The following ATF7IP2 variants were observed in gnomAD, a reference collection of about 807,000 sequenced individuals.
The protein encoded by ATF7IP2 is activating transcription factor 7-interacting protein 2.
In ATF7IP2, 42 loss-of-function variants were observed where a neutral mutation model predicts 64.2. That is an observed-to-expected ratio of 0.65 (90% CI 0.51 to 0.85). ATF7IP2 has a LOEUF of 0.85. Among genes scored for constraint, ATF7IP2 ranks in the 40% least tolerant of loss-of-function variants. The pLI, the probability that ATF7IP2 is intolerant of heterozygous loss-of-function variation, is 0.00. For missense variants in ATF7IP2, 933 were observed against 784.2 expected (o/e 1.19, Z -2.27); for synonymous variants, 308 against 272.8 (o/e 1.13, Z -1.27).
chr16:10,429,101 T>A (rs2048160015), intron 4 of ATF7IP2, 85 bp downstream of exon 4: 1 of 152,226 alleles, frequency 6.6e-6, no homozygotes, highest in Admixed American at 6.5e-5. Flanking sequence ...TAGCAGTGTC[T>A]TCAGGCAAAG....
At chr16:10,460,959 C>T (rs141026933) in intron 9 of ATF7IP2, among the ~76,000 whole-genome samples, 4 of 152,042 alleles carry the variant, frequency 2.6e-5, no homozygotes, top group South Asian at 2.1e-4. Context: ...GGACTAGTAA[C>T]GCAGAATATA....
Position 10,418,778 on chromosome 16 carries a change from G to A in ATF7IP2, c.-202-803G>A, listed in dbSNP as rs146321034. On this transcript the variant is annotated intron_variant, in intron 2 of 13. Transcript: ENST00000562102. ...CCAAATTTTGATCTTATTAAGAGCCGTTAATAGTTTCCACAAATCCTTATG... is the reference window on the plus strand; with the variant it reads ...CCAAATTTTGATCTTATTAAGAGCCATTAATAGTTTCCACAAATCCTTATG... Among the ~76,000 whole-genome samples the A allele has an allele frequency of 4.8e-3, 726 of 152,206 alleles. 3 individuals carry two copies. Among genetic ancestry groups the A allele is most frequent in the African/African-American group, 0.013 (540 of 41,532 alleles).
At chr16:10,388,881 C>T (rs1322759122) in intron 1 of ATF7IP2, among the ~76,000 whole-genome samples, 2 of 151,770 alleles carry the variant, frequency 1.3e-5, no homozygotes, top group Non-Finnish European at 2.9e-5. Flanking sequence ...GCGTGGTGGC[C>T]GGCGCCTGTA....
chr16:10,433,459 G>C, intron 5 of ATF7IP2, 66 bp from the exon 6 acceptor site: 1 of 1,460,214 alleles, frequency 6.8e-7, no homozygotes, highest in Non-Finnish European at 9.4e-7. Context: ...ACAGACATGA[G>C]CCACCACACT....
At position 10,428,937 on chromosome 16, in the gene ATF7IP2, A is replaced by G. The variant is rs2048155637; in HGVS notation, c.-90A>G. 6.6e-6 allele frequency: 1 copy of G among 151,814 alleles called. No individual in the cohort carries two copies. The highest frequency in any genetic ancestry group is 1.5e-5 in the Non-Finnish European group (1 of 67,962). The allele number at this position is 151,814 out of a possible 1,614,324, so 9.4% of individuals were successfully genotyped here. A position where few individuals can be genotyped will look rare whatever the true frequency, so the allele number is the denominator to read the frequency against. ...CACCCTTGCTGGAGTGCAGTGGTGC[A>G]ATCACAGATCACGGCAGTGTCTAAT... On this transcript the variant is annotated 5_prime_UTR_variant, in exon 4 of 14. Coordinates refer to ENST00000562102, the MANE Select transcript of ATF7IP2 (RefSeq NM_001393719.1).
intron 1 of ATF7IP2, among the ~76,000 whole-genome samples, chr16:10,405,625 C>T (rs555800902): frequency 2.3e-4 from 35 of 152,206 alleles, no homozygotes; most frequent in African/African-American, 5.1e-4. Context: ...CACATCCTGC[C>T]GGACAAAAAG....
intron 3 of ATF7IP2, among the ~76,000 whole-genome samples, chr16:10,422,860 C>T (rs1316292934): frequency 6.6e-6 from 1 of 152,220 alleles, no homozygotes; most frequent in African/African-American, 2.4e-5. Flanking sequence ...CCTGGCTCTG[C>T]TTTCCAGGGA....
chr16:10,393,282 C>G (rs960296403), intron 1 of ATF7IP2, among the ~76,000 whole-genome samples: 1 of 140,130 alleles, frequency 7.1e-6, no homozygotes, highest in African/African-American at 2.7e-5. Context: ...TGCCAGTGCA[C>G]TCCAGGCTGG....
chr16:10,391,719 G>T (rs2047328789), intron 1 of ATF7IP2, among the ~76,000 whole-genome samples: 1 of 152,090 alleles, frequency 6.6e-6, no homozygotes, highest in African/African-American at 2.4e-5. Flanking sequence ...CCAACATGGT[G>T]AAACACTATC....
intron 9 of ATF7IP2, among the ~76,000 whole-genome samples, chr16:10,464,892 C>G (rs1214813699): frequency 6.6e-6 from 1 of 152,174 alleles, no homozygotes; most frequent in African/African-American, 2.4e-5. Context: ...TGCAACGGCA[C>G]GATCTCAGCT....
intron 1 of ATF7IP2, among the ~76,000 whole-genome samples, chr16:10,388,494 C>A (rs73512932): frequency 0.023 from 3,467 of 152,194 alleles, 118 homozygotes; most frequent in African/African-American, 0.079. Context: ...CTAGTGTGTA[C>A]AGTATGCTGA....
At chr16:10,416,979 A>T (rs747062581) in intron 2 of ATF7IP2, among the ~76,000 whole-genome samples, 1 of 152,230 alleles carries the variant, frequency 6.6e-6, no homozygotes, top group Non-Finnish European at 1.5e-5. Flanking sequence ...CAATGTGATT[A>T]TTATGCATTG....
At position 10,426,601 on chromosome 16, in the gene ATF7IP2, G is replaced by A. The variant is rs377455646; in HGVS notation, c.-159-2267G>A. Among the ~76,000 whole-genome samples, 7 of 152,216 alleles carry A rather than the reference G, an allele frequency of 4.6e-5. No individual in the cohort carries two copies. In the East Asian group the frequency reaches 1.3e-3, roughly 29 times the overall value. On this transcript the variant is annotated intron_variant, in intron 3 of 13. Coordinates refer to ENST00000562102, the MANE Select transcript of ATF7IP2 (RefSeq NM_001393719.1). ...TACTATATATTGTAATAATTGCACAGCCATGGTATAGCACCGTGTCCTTAA... is the reference window on the plus strand; with the variant it reads ...TACTATATATTGTAATAATTGCACAACCATGGTATAGCACCGTGTCCTTAA...
intron 1 of ATF7IP2, among the ~76,000 whole-genome samples, chr16:10,412,531 C>G (rs536973336): frequency 6.6e-6 from 1 of 152,160 alleles, no homozygotes; most frequent in South Asian, 2.1e-4. Context: ...CCACTATGGT[C>G]TGAGAGAGTG....
At chr16:10,410,311 A>T (rs1046194493) in intron 1 of ATF7IP2, among the ~76,000 whole-genome samples, 1 of 150,146 alleles carries the variant, frequency 6.7e-6, no homozygotes. Flanking sequence ...TATATTCCTA[A>T]GTTTTGTTTT....
chr16:10,428,509 CAGT>C (rs1035346619), intron 3 of ATF7IP2, among the ~76,000 whole-genome samples: 20 of 152,160 alleles, frequency 1.3e-4, no homozygotes, highest in African/African-American at 4.6e-4. Context: ...TGTCAGCTGG[CAGT>C]AGAGTGGTTT....
intron 5 of ATF7IP2, 114 bp from the exon 6 acceptor site, chr16:10,433,411 G>T: frequency 1.1e-6 from 1 of 952,048 alleles, no homozygotes; most frequent in South Asian, 1.6e-5. Flanking sequence ...CTGGCCTTAA[G>T]CCACCCTCCC....
chr16:10,469,564 TAGAA>T (rs2049710768), intron 9 of ATF7IP2, among the ~76,000 whole-genome samples: 1 of 151,824 alleles, frequency 6.6e-6, no homozygotes, highest in South Asian at 2.1e-4. Flanking sequence ...ACACATCACA[TAGAA>T]AGGAACAGAA....
rs186763648 is a variant in ATF7IP2, at chr16:10,409,647, G to A, written c.-241-4927G>A. Among the ~76,000 whole-genome samples, 11 of 152,210 alleles carry A rather than the reference G, an allele frequency of 7.2e-5. No homozygotes were observed. The East Asian group carries it at 1.5e-3, about 21-fold the overall frequency. On this transcript the variant is annotated intron_variant, in intron 1 of 13. Coordinates refer to ENST00000562102, the MANE Select transcript of ATF7IP2 (RefSeq NM_001393719.1). ...TCACGGCGTTAGCCAGGACGATCTC[G>A]ATCTCCTGACCTCATGATCCGCCCG... is the stretch of plus-strand genomic sequence containing the variant.
Sources: allele counts gnomAD v4.1 joint callset (sites outside exome capture counted in the v4.1 genomes callset), GRCh38; gene constraint gnomAD v4.1.1; transcripts MANE v1.5; gene names NCBI Gene and HGNC (gene_info 2026-07-23, HGNC 2026-07-21).